CSMD1: variants seen among roughly 807,000 people sequenced by gnomAD.
The protein encoded by CSMD1 is CUB and sushi domain-containing protein 1.
In CSMD1, 213 loss-of-function variants were observed where a neutral mutation model predicts 417.5. The ratio of observed to expected loss-of-function variants is 0.51; its 90% CI spans 0.46 to 0.57. The LOEUF (loss-of-function observed/expected upper bound fraction) is 0.57, where lower values mean the gene tolerates loss of function less well. Among genes scored for constraint, CSMD1 ranks in the 20% least tolerant of loss-of-function variants. The probability of loss-of-function intolerance (pLI) is 0.00; values close to 1 mark genes in which losing one functional copy is unlikely to be tolerated. For missense variants in CSMD1, 6,923 were observed against 4,529.7 expected, an observed-to-expected ratio of 1.53 and a Z score of -15.17; for synonymous variants, 2,862 against 1,736.8, an observed-to-expected ratio of 1.65 and a Z score of -16.11.
At chr8:3,022,395 C>T (rs1011867604) in intron 51 of CSMD1, among the ~76,000 whole-genome samples, 6 of 152,030 alleles carry the variant, frequency 3.9e-5, no homozygotes, top group South Asian at 2.1e-4. Flanking sequence ...CCACAGCGTC[C>T]GGAATGCACG....
At chr8:4,650,920 T>C (rs1162658281) in intron 1 of CSMD1, among the ~76,000 whole-genome samples, 2 of 152,220 alleles carry the variant, frequency 1.3e-5, no homozygotes, top group Non-Finnish European at 2.9e-5. Context: ...CTATTCTTAT[T>C]TGCCTTGCTT....
intron 5 of CSMD1, among the ~76,000 whole-genome samples, chr8:3,906,436 T>C (rs1347999477): frequency 2.0e-5 from 3 of 152,178 alleles, no homozygotes; most frequent in Non-Finnish European, 4.4e-5. Flanking sequence ...TAATGTTTAA[T>C]GCCTTAGAAA....
At chr8:4,506,285 G>A (rs1235093823) in intron 2 of CSMD1, among the ~76,000 whole-genome samples, 2 of 152,122 alleles carry the variant, frequency 1.3e-5, no homozygotes, top group South Asian at 2.1e-4. Context: ...ATTCATGGAA[G>A]CTTCGGTGAT....
In CSMD1 at chr8:3,582,663, A is replaced by G. The variant is rs996088350; in HGVS notation, c.1222+3473T>C. Among the ~76,000 whole-genome samples, 3 of 152,230 alleles carry G rather than the reference A, an allele frequency of 2.0e-5. No individual in the cohort carries two copies. The East Asian group carries it at 5.8e-4, about 29-fold the overall frequency. ...TGAGATGAGCTATGCTCTAAGTAGA[A>G]AATGCACACTGGATTTCCAAAACAA... On this transcript the variant is annotated intron_variant, in intron 9 of 69. Transcript: ENST00000635120.
intron 37 of CSMD1, among the ~76,000 whole-genome samples, chr8:3,167,229 G>C (rs1820281141): frequency 6.8e-6 from 1 of 147,664 alleles, no homozygotes; most frequent in Non-Finnish European, 1.5e-5. Flanking sequence ...AGGTTGCAGT[G>C]AGCCGAGATC....
chr8:3,947,320 T>C (rs547674745), intron 5 of CSMD1, among the ~76,000 whole-genome samples: 11 of 152,306 alleles, frequency 7.2e-5, no homozygotes, highest in South Asian at 6.2e-4. Flanking sequence ...TCTGTTAAGA[T>C]TATGAATTAC....
At chr8:4,683,442 G>A (rs1353859522) in intron 1 of CSMD1, among the ~76,000 whole-genome samples, 1 of 152,114 alleles carries the variant, frequency 6.6e-6, no homozygotes, top group Non-Finnish European at 1.5e-5. Flanking sequence ...GGACACACTT[G>A]ATTAAGGGAA....
At chr8:3,897,790 T>A (rs1285071353) in intron 5 of CSMD1, among the ~76,000 whole-genome samples, 1 of 152,182 alleles carries the variant, frequency 6.6e-6, no homozygotes, top group East Asian at 1.9e-4. Flanking sequence ...TTGGCCCAGA[T>A]GGGCTATTTG....
Position 4,195,267 on chromosome 8 carries a change from G to A in CSMD1, c.416-163168C>T, listed in dbSNP as rs998039794. Among the ~76,000 whole-genome samples the A allele has an allele frequency of 4.1e-4, 63 of 152,262 alleles. 1 individual carries two copies. Among genetic ancestry groups the A allele is most frequent in the Non-Finnish European group, 2.6e-4 (18 of 68,014 alleles). On this transcript the variant is annotated intron_variant, in intron 3 of 69. Coordinates refer to ENST00000635120, the MANE Select transcript of CSMD1 (RefSeq NM_033225.6). The stretch of plus-strand genomic sequence containing the variant: ...TTTGTTTTTTAAGAGACAGGGTCTT[G>A]CTCTTTCACCCAGGCAGTTCCACAA...
chr8:3,607,962 G>C (rs557243593), intron 8 of CSMD1, among the ~76,000 whole-genome samples: 6 of 152,240 alleles, frequency 3.9e-5, no homozygotes, highest in Admixed American at 1.3e-4. Flanking sequence ...TTGAGGTCAG[G>C]AGTTCAAGAC....
intron 52 of CSMD1, among the ~76,000 whole-genome samples, chr8:3,015,642 G>A (rs556617174): frequency 1.2e-4 from 18 of 151,922 alleles, no homozygotes; most frequent in African/African-American, 4.3e-4. Flanking sequence ...TGCATCTTTA[G>A]TAACAGTCAT....
intron 49 of CSMD1, among the ~76,000 whole-genome samples, chr8:3,074,427 C>T (rs952934065): frequency 6.6e-6 from 1 of 152,196 alleles, no homozygotes; most frequent in African/African-American, 2.4e-5. Context: ...CCCAGGGCGT[C>T]GGTCACCCCA....
intron 5 of CSMD1, among the ~76,000 whole-genome samples, chr8:3,777,429 G>T (rs114998372): frequency 6.6e-6 from 1 of 152,092 alleles, no homozygotes; most frequent in African/African-American, 2.4e-5. Context: ...CATCCTGTCA[G>T]GCCTCAGGCA....
At chr8:3,867,749 G>T (rs1237071079) in intron 5 of CSMD1, among the ~76,000 whole-genome samples, 1 of 152,072 alleles carries the variant, frequency 6.6e-6, no homozygotes, top group Non-Finnish European at 1.5e-5. Flanking sequence ...CACTGGCACA[G>T]GAACCCTCCT....
At chr8:4,577,828 T>G (rs1043325775) in intron 2 of CSMD1, among the ~76,000 whole-genome samples, 5 of 152,220 alleles carry the variant, frequency 3.3e-5, no homozygotes, top group Non-Finnish European at 7.3e-5. Context: ...TCCTTGGCCT[T>G]GCATTTTCCC....
chr8:4,039,183 A>G (rs1448592939), intron 3 of CSMD1, among the ~76,000 whole-genome samples: 1 of 152,202 alleles, frequency 6.6e-6, no homozygotes, highest in Non-Finnish European at 1.5e-5. Context: ...AGGTGGATTC[A>G]TCTGGAATCT....
intron 1 of CSMD1, among the ~76,000 whole-genome samples, chr8:4,807,386 C>G (rs1019569522): frequency 1.3e-5 from 2 of 152,106 alleles, no homozygotes; most frequent in African/African-American, 4.8e-5. Context: ...CCCTCACTGC[C>G]GGGTGGGAAA....
intron 1 of CSMD1, among the ~76,000 whole-genome samples, chr8:4,982,220 G>T: frequency 6.6e-6 from 1 of 152,202 alleles, no homozygotes; most frequent in Non-Finnish European, 1.5e-5. Context: ...GGTAATGCAT[G>T]TGTGCTGTTT....
intron 18 of CSMD1, among the ~76,000 whole-genome samples, chr8:3,386,471 G>A (rs1811010661): frequency 6.6e-6 from 1 of 152,218 alleles, no homozygotes; most frequent in Non-Finnish European, 1.5e-5. Flanking sequence ...CGGCCACAGT[G>A]CCAGTTACTG....
Sources: allele counts gnomAD v4.1 joint callset (sites outside exome capture counted in the v4.1 genomes callset), GRCh38; gene constraint gnomAD v4.1.1; transcripts MANE v1.5; gene names NCBI Gene and HGNC (gene_info 2026-07-23, HGNC 2026-07-21).